KIF5B: variants seen among roughly 807,000 people sequenced by gnomAD.
KIF5B encodes kinesin-1 heavy chain.
KIF5B carries 49 observed loss-of-function variants against 132.8 expected under a neutral mutation model. That is an observed-to-expected ratio of 0.37 (90% CI 0.29 to 0.47). The LOEUF (loss-of-function observed/expected upper bound fraction) is 0.47. KIF5B is among the 20% of genes least tolerant of loss of function. KIF5B has a pLI of 1.00. For synonymous variants in KIF5B, 355 were observed against 369.4 expected, an observed-to-expected ratio of 0.96 and a Z score of 0.45; for missense variants, 780 against 1,144.0, an observed-to-expected ratio of 0.68 and a Z score of 4.59.
intron 5 of KIF5B, among the ~76,000 whole-genome samples, chr10:32,038,503 ATT>A (rs1287156068): frequency 6.6e-6 from 1 of 152,192 alleles, no homozygotes; most frequent in African/African-American, 2.4e-5. Context: ...AATGTATCTA[ATT>A]GACAGTTGAC....
At chr10:32,031,017 T>C in intron 14 of KIF5B, 56 bp downstream of exon 14, 1 of 1,249,652 alleles carries the variant, frequency 8.0e-7, no homozygotes, top group South Asian at 1.3e-5. Flanking sequence ...AAGTAGTTTT[T>C]AGGTTAAGAA....
At chr10:32,031,626 T>C (rs1841403290) in intron 13 of KIF5B, among the ~76,000 whole-genome samples, 1 of 151,988 alleles carries the variant, frequency 6.6e-6, no homozygotes, top group Admixed American at 6.5e-5. Context: ...CATGGAGAAG[T>C]TGGCTAGGAG....
At chr10:32,047,630 T>G (rs1763268183) in intron 2 of KIF5B, among the ~76,000 whole-genome samples, 1 of 152,192 alleles carries the variant, frequency 6.6e-6, no homozygotes, top group African/African-American at 2.4e-5. Context: ...TTTCCCTCCC[T>G]CACCTCATCT....
intron 23 of KIF5B, 68 bp downstream of exon 23, chr10:32,017,984 T>TAAGTGAGTATTTGG: frequency 1.3e-6 from 1 of 765,884 alleles, no homozygotes. Context: ...ATTGAAATAC[T>TAAGTGAGTATTTGG]CACTTGCCAA....
intron 3 of KIF5B, 56 bp downstream of exon 3, chr10:32,040,325 AAAT>A: frequency 1.0e-6 from 1 of 984,934 alleles, no homozygotes. Flanking sequence ...ATAATATCAC[AAAT>A]AATGAATGCT....
In KIF5B at chr10:32,024,144, C is replaced by CT. The variant is rs1841303106; in HGVS notation, c.1726-1109dup. On this transcript the variant is annotated intron_variant, in intron 15 of 25. Transcript: ENST00000302418. ...ACTTATATCCAAAACATATGAAGAA[C>CT]TCTTTTTTTTTTTTTTTTTTTTTTT... Among the ~76,000 whole-genome samples, 12 of 91,590 alleles carry CT rather than the reference C, an allele frequency of 1.3e-4. No homozygotes were observed. The South Asian group carries it at 4.4e-3, about 33-fold the overall frequency. 60.1% of individuals were successfully genotyped at this position (91,590 alleles called of 152,430 possible).
intron 8 of KIF5B, 53 bp downstream of exon 8, chr10:32,037,197 TCAAA>T: frequency 6.5e-7 from 1 of 1,550,306 alleles, no homozygotes; most frequent in African/African-American, 1.4e-5. Flanking sequence ...AACTCCCAAC[TCAAA>T]CTAAAGTTTA....
rs186928538 is a variant in KIF5B, at chr10:32,011,133, A to T, written c.*404T>A. The T allele has an allele frequency of 6.6e-6, 1 of 152,432 alleles. No individual in the cohort carries two copies. The highest frequency in any genetic ancestry group is 1.5e-5 in the Non-Finnish European group (1 of 68,024). 9.4% of individuals were successfully genotyped at this position (152,432 alleles called of 1,614,324 possible). ...GTTTTAATAGGAAAAGAAAAACAAG[A>T]AGCAGTAGCAGCTAGGTAATTTAAA... On this transcript the variant is annotated 3_prime_UTR_variant, in exon 26 of 26. Transcript: ENST00000302418.
intron 3 of KIF5B, among the ~76,000 whole-genome samples, chr10:32,040,034 C>CA (rs1469356540): frequency 6.6e-6 from 1 of 151,978 alleles, no homozygotes; most frequent in African/African-American, 2.4e-5. Context: ...AAGGAGGAGC[C>CA]AAGGAGAACA....
At chr10:32,023,224 GCCTT>G (rs1371348656) in intron 15 of KIF5B, among the ~76,000 whole-genome samples, 188 bp from the exon 16 acceptor site, 1 of 151,408 alleles carries the variant, frequency 6.6e-6, no homozygotes, top group Non-Finnish European at 1.5e-5. Context: ...CTTACTTTTT[GCCTT>G]CCTTTTTTTA....
intron 3 of KIF5B, among the ~76,000 whole-genome samples, chr10:32,039,757 C>T (rs1025134795): frequency 2.0e-5 from 3 of 152,094 alleles, no homozygotes; most frequent in Middle Eastern, 3.2e-3. Flanking sequence ...CCTTCTACTT[C>T]GAGGCAAATT....
intron 14 of KIF5B, 96 bp from the exon 15 acceptor site, chr10:32,028,667 A>G (rs1488157142): frequency 9.8e-7 from 1 of 1,016,706 alleles, no homozygotes; most frequent in Non-Finnish European, 1.4e-6. Context: ...CCAAGCCCTT[A>G]CGAAACCATG....
intron 8 of KIF5B, 114 bp from the exon 9 acceptor site, chr10:32,036,108 A>G: frequency 1.7e-6 from 1 of 593,192 alleles, no homozygotes. Context: ...AAAGAACATG[A>G]AAAGCTTCAT....
intron 14 of KIF5B, among the ~76,000 whole-genome samples, chr10:32,029,813 T>C (rs1257464326): frequency 6.6e-6 from 1 of 152,238 alleles, no homozygotes; most frequent in African/African-American, 2.4e-5. Flanking sequence ...CCTGTTATTC[T>C]TTCATACAAC....
At chr10:32,036,436 T>G (rs76752503) in intron 8 of KIF5B, among the ~76,000 whole-genome samples, 2 of 152,126 alleles carry the variant, frequency 1.3e-5, no homozygotes. Context: ...GTTTTTTTTT[T>G]GGAGACTGAG....
intron 14 of KIF5B, 120 bp from the exon 15 acceptor site, chr10:32,028,691 C>A: frequency 1.2e-6 from 1 of 826,156 alleles, no homozygotes; most frequent in Non-Finnish European, 1.8e-6. Context: ...TTTCTGCTTT[C>A]ATTTTTCTTG....
At chr10:32,034,617 G>C in intron 11 of KIF5B, 73 bp downstream of exon 11, 1 of 1,158,786 alleles carries the variant, frequency 8.6e-7, no homozygotes, top group Non-Finnish European at 1.2e-6. Context: ...TGATTTTGCT[G>C]AACTATTTCT....
chr10:32,016,383 G>A (rs1306318025), intron 24 of KIF5B, among the ~76,000 whole-genome samples: 1 of 151,892 alleles, frequency 6.6e-6, no homozygotes, highest in Non-Finnish European at 1.5e-5. Context: ...TTGAACCCAG[G>A]AGGCAGAGGT....
chr10:32,056,134 G>C lies in KIF5B; in HGVS notation c.-161C>G. ...CGGGTGGAGGCGGCCGGGGAGCCGG[G>C]ACTTGAAGAGCCGGCGCCGGCAGCC... is the stretch of plus-strand genomic sequence containing the variant. On this transcript the variant is annotated 5_prime_UTR_variant, in exon 1 of 26. Transcript: ENST00000302418. 1.3e-6 allele frequency: 1 copy of C among 768,144 alleles called. No individual in the cohort carries two copies. The highest frequency in any genetic ancestry group is 2.0e-6 in the Non-Finnish European group (1 of 500,202). 47.6% of individuals were successfully genotyped at this position (768,144 alleles called of 1,614,324 possible).
Sources: gnomAD v4.1 joint callset for allele counts (sites outside exome capture counted in the v4.1 genomes callset) on GRCh38, gnomAD v4.1.1 for gene constraint, MANE v1.5 for transcripts, NCBI Gene and HGNC (gene_info 2026-07-23, HGNC 2026-07-21) for gene names.